Variants in KIF20B observed in about 807,000 individuals in gnomAD.
KIF20B encodes kinesin family member 20B.
KIF20B carries 188 observed loss-of-function variants against 232.5 expected under a neutral mutation model. The observed-to-expected ratio is 0.81, with a 90% confidence interval of 0.72 to 0.91. KIF20B has a LOEUF of 0.91. Among genes scored for constraint, KIF20B ranks in the 40% least tolerant of loss-of-function variants. The pLI is 0.00. For missense variants in KIF20B, 2,154 were observed against 2,055.9 expected, an observed-to-expected ratio of 1.05 and a Z score of -0.92; for synonymous variants, 712 against 683.0, an observed-to-expected ratio of 1.04 and a Z score of -0.66.
chr10:89,762,683 G>T lies in KIF20B; in HGVS notation c.4837G>T (p.Asp1613Tyr). 6.2e-7 allele frequency: 1 copy of T among 1,613,590 alleles called. No homozygotes were observed. The highest frequency in any genetic ancestry group is 1.1e-5 in the South Asian group (1 of 91,042). Reference sequence around the variant, plus strand: ...CTCTTGTGAAGTGTCAACAGAAAATGATCAAAGCACTCGATTTCCAAAACC... The same window carrying T: ...CTCTTGTGAAGTGTCAACAGAAAATTATCAAAGCACTCGATTTCCAAAACC... ...LDSCEVSTEN[D>Y]QSTRFPKPEL... The change falls in exon 29 of 33, where the codon GAT (aspartate) becomes TAT (tyrosine). Residue 1613 changes from aspartate to tyrosine, a missense_variant. Transcript: ENST00000371728.
intron 11 of KIF20B, 43 bp downstream of exon 11, chr10:89,717,765 A>G (rs758421430): frequency 1.4e-5 from 20 of 1,391,584 alleles, no homozygotes; most frequent in African/African-American, 4.4e-5. Context: ...AAATATTACA[A>G]TATTTAAACT....
At chr10:89,760,680 C>A in intron 28 of KIF20B, 44 bp downstream of exon 28, 1 of 1,144,758 alleles carries the variant, frequency 8.7e-7, no homozygotes, top group Non-Finnish European at 1.3e-6. Flanking sequence ...TCTCTTTATC[C>A]ACTATTACTA....
At position 89,764,536 on chromosome 10, in the gene KIF20B, T is replaced by C. The variant is rs1261644089; in HGVS notation, c.4989+1701T>C. On this transcript the variant is annotated intron_variant, in intron 29 of 32. Coordinates refer to ENST00000371728, the MANE Select transcript of KIF20B (RefSeq NM_001284259.2). ...AACAGTGTAAAAGTGTTCCTATTTC[T>C]CCACATCCTCTCCAGCACCTGTTGT... Among the ~76,000 whole-genome samples, 8 of 152,186 alleles carry C rather than the reference T, an allele frequency of 5.3e-5. No individual in the cohort carries two copies. In the East Asian group the frequency reaches 1.3e-3, roughly 26 times the overall value.
chr10:89,750,991 A>G (rs1842009349), intron 23 of KIF20B, among the ~76,000 whole-genome samples: 1 of 152,114 alleles, frequency 6.6e-6, no homozygotes, highest in Admixed American at 6.5e-5. Context: ...TTGCCAAATA[A>G]TGGTTTTTCC....
intron 27 of KIF20B, among the ~76,000 whole-genome samples, chr10:89,759,723 A>G (rs1007401664): frequency 2.6e-5 from 4 of 152,116 alleles, no homozygotes; most frequent in Non-Finnish European, 5.9e-5. Context: ...AGAGTTGTGA[A>G]ATTAATGAAG....
At chr10:89,769,804 T>G (rs1034834272) in intron 31 of KIF20B, among the ~76,000 whole-genome samples, 1 of 151,984 alleles carries the variant, frequency 6.6e-6, no homozygotes, top group Non-Finnish European at 1.5e-5. Flanking sequence ...GTGGAAGGAC[T>G]ATCTTAGGGG....
In KIF20B at chr10:89,724,076, A is replaced by AT; in HGVS notation, c.1837dup (p.Trp613LeufsTer7). 1 of 1,532,048 alleles carries AT rather than the reference A, an allele frequency of 6.5e-7. No individual in the cohort carries two copies. Among genetic ancestry groups the AT allele is most frequent in the Non-Finnish European group, 8.7e-7 (1 of 1,147,254 alleles). 94.9% of individuals were successfully genotyped at this position (1,532,048 alleles called of 1,614,324 possible). On this transcript the variant is annotated frameshift_variant, in exon 14 of 33. Transcript: ENST00000371728. LOFTEE classifies it high-confidence loss of function. ...GAAGTTACACAGGAGTTTACTCAGTATTGGGCTCAACGGGAAGCTGACTTT... is the reference window on the plus strand; with the variant it reads ...GAAGTTACACAGGAGTTTACTCAGTATTTGGGCTCAACGGGAAGCTGACTTT...
chr10:89,768,092 A>G (rs754562433), intron 29 of KIF20B, among the ~76,000 whole-genome samples, 198 bp from the exon 30 acceptor site: 7 of 152,018 alleles, frequency 4.6e-5, no homozygotes, highest in Admixed American at 6.6e-5. Context: ...CTCGTGGCCA[A>G]TAATATCCCC....
intron 29 of KIF20B, among the ~76,000 whole-genome samples, chr10:89,765,368 G>A (rs1348222265): frequency 2.0e-5 from 3 of 152,076 alleles, no homozygotes; most frequent in African/African-American, 4.8e-5. Context: ...ACAAACCACT[G>A]CTCAATGAAA....
chr10:89,768,610 T>G (rs1842409086), intron 30 of KIF20B, 128 bp from the exon 31 acceptor site: 1 of 919,634 alleles, frequency 1.1e-6, no homozygotes, highest in East Asian at 2.7e-5. Flanking sequence ...ATCCCTGTCC[T>G]TACATACTTA....
intron 19 of KIF20B, among the ~76,000 whole-genome samples, chr10:89,736,553 G>T (rs774119661): frequency 6.6e-6 from 1 of 152,080 alleles, no homozygotes; most frequent in Non-Finnish European, 1.5e-5. Flanking sequence ...CTTACATTAC[G>T]TATTAACTCA....
Position 89,737,872 on chromosome 10 carries a change from G to GT in KIF20B, c.3031_3032insT (p.Asp1011ValfsTer7), listed in dbSNP as rs769341791. 1 of 1,613,420 alleles carries GT rather than the reference G, an allele frequency of 6.2e-7. No homozygotes were observed. The highest frequency in any genetic ancestry group is 8.5e-7 in the Non-Finnish European group (1 of 1,179,514). On this transcript the variant is annotated frameshift_variant, in exon 20 of 33. Transcript: ENST00000371728. LOFTEE classifies it high-confidence loss of function. ...AAACATAGATTTGCTCAATCTCAGG[G>GT]ATCTGTCAAATGGTTCTGAGGAGGA... is the stretch of plus-strand genomic sequence containing the variant.
chr10:89,724,962 C>CA, intron 14 of KIF20B, 58 bp from the exon 15 acceptor site: 2 of 1,542,012 alleles, frequency 1.3e-6, no homozygotes, highest in Non-Finnish European at 1.8e-6. Flanking sequence ...ATGTTTAAAA[C>CA]AAAAACACAA....
intron 22 of KIF20B, 148 bp downstream of exon 22, chr10:89,744,075 AAAG>A (rs1361565132): frequency 1.6e-6 from 1 of 609,580 alleles, no homozygotes; most frequent in East Asian, 3.7e-5. Flanking sequence ...AATAGGCAAA[AAAG>A]AAAAAAAAAA....
At position 89,737,758 on chromosome 10, in the gene KIF20B, A is replaced by G. The variant is rs1024644135; in HGVS notation, c.2917A>G (p.Arg973Gly). The change falls in exon 20 of 33, where the codon AGA (arginine) becomes GGA (glycine). Residue 973 changes from arginine to glycine, a missense_variant. By Grantham distance (125) the Arg-to-Gly change is moderately radical. Coordinates refer to ENST00000371728, the MANE Select transcript of KIF20B (RefSeq NM_001284259.2). ...KLSNEIETATRSITNNVSQIK... is the reference protein window; with the variant it reads ...KLSNEIETATGSITNNVSQIK... ...GTCAAATGAGATAGAAACTGCTACAAGAAGCATTACAAATAATGTTTCACA... is the reference window on the plus strand; with the variant it reads ...GTCAAATGAGATAGAAACTGCTACAGGAAGCATTACAAATAATGTTTCACA... The G allele has an allele frequency of 1.9e-6, 3 of 1,611,482 alleles. No individual in the cohort carries two copies. The highest frequency in any genetic ancestry group is 2.7e-5 in the African/African-American group (2 of 74,860).
chr10:89,738,429 G>C lies in KIF20B; in HGVS notation c.3588G>C (p.Lys1196Asn). Residue 1196 changes from lysine to asparagine, a missense_variant, in exon 20 of 33, where the codon AAG becomes AAC. Transcript: ENST00000371728. The part of the protein sequence containing the change: ...DILEKESIIL[K>N]LERNLKEFQE... The stretch of plus-strand genomic sequence containing the variant: ...TGGAAAAGGAATCTATCATCTTAAA[G>C]CTAGAAAGAAATTTGAAGGAATTTC... 1 of 1,603,136 alleles carries C rather than the reference G, an allele frequency of 6.2e-7. No homozygotes were observed. The highest frequency in any genetic ancestry group is 8.5e-7 in the Non-Finnish European group (1 of 1,177,254).
At chr10:89,773,614 G>GTGCTTTC (rs1468160051) in intron 32 of KIF20B, among the ~76,000 whole-genome samples, 1 of 151,856 alleles carries the variant, frequency 6.6e-6, no homozygotes, top group African/African-American at 2.4e-5. Context: ...ACTATATAAT[G>GTGCTTTC]TGCTTTCTAC....
intron 23 of KIF20B, among the ~76,000 whole-genome samples, chr10:89,749,447 C>G (rs1841981950): frequency 1.3e-5 from 2 of 152,080 alleles, no homozygotes; most frequent in Admixed American, 6.5e-5. Flanking sequence ...TTTCTATTCA[C>G]AAAATTGTAC....
At chr10:89,758,582 C>T (rs975871374) in intron 26 of KIF20B, 124 bp from the exon 27 acceptor site, 2 of 556,014 alleles carry the variant, frequency 3.6e-6, no homozygotes, top group Non-Finnish European at 5.9e-6. Context: ...ATCTAGACTA[C>T]TTAATTTGTC....
Sources: gnomAD v4.1 joint callset for allele counts (sites outside exome capture counted in the v4.1 genomes callset) on GRCh38, gnomAD v4.1.1 for gene constraint, MANE v1.5 for transcripts, NCBI Gene and HGNC (gene_info 2026-07-23, HGNC 2026-07-21) for gene names.